PCDH15: variants seen among roughly 807,000 people sequenced by gnomAD.
PCDH15 encodes protocadherin-15.
In PCDH15, 129 loss-of-function variants were observed where a neutral mutation model predicts 178.5. That is an observed-to-expected ratio of 0.72 (90% CI 0.63 to 0.84). The LOEUF (loss-of-function observed/expected upper bound fraction) is 0.84, where lower values mean the gene tolerates loss of function less well. PCDH15 is among the 40% of genes least tolerant of loss of function. The pLI, the probability that PCDH15 is intolerant of heterozygous loss-of-function variation, is 0.00. For synonymous variants in PCDH15, 800 were observed against 732.0 expected (o/e 1.09, Z -1.50); for missense variants, 2,230 against 2,099.9 (o/e 1.06, Z -1.21).
At chr10:54,196,897 A>G (rs1310008278) in intron 10 of PCDH15, among the ~76,000 whole-genome samples, 2 of 152,304 alleles carry the variant, frequency 1.3e-5, no homozygotes, top group Admixed American at 6.5e-5. Flanking sequence ...CAAATTTACA[A>G]GAGTCGAATG....
chr10:55,150,740 A>C (rs2799589), intron 2 of PCDH15, among the ~76,000 whole-genome samples: 3 of 152,016 alleles, frequency 2.0e-5, no homozygotes, highest in African/African-American at 7.2e-5. Flanking sequence ...AAAATATCTT[A>C]AAAAATGTTA....
chr10:55,244,782 C>G (rs962863541), intron 1 of PCDH15, among the ~76,000 whole-genome samples: 8 of 151,000 alleles, frequency 5.3e-5, no homozygotes, highest in African/African-American at 1.9e-4. Flanking sequence ...TTTCCAGAAT[C>G]TAGTATGTGC....
intron 3 of PCDH15, among the ~76,000 whole-genome samples, chr10:54,866,125 A>G (rs537033862): frequency 6.6e-6 from 1 of 152,328 alleles, no homozygotes; most frequent in South Asian, 2.1e-4. Flanking sequence ...AGTCTACTTC[A>G]GCTATGCACT....
At chr10:55,578,117 T>A (rs2132116803) in intron 2 of PCDH15, among the ~76,000 whole-genome samples, 1 of 152,288 alleles carries the variant, frequency 6.6e-6, no homozygotes, top group East Asian at 1.9e-4. Flanking sequence ...TACTTCTGAA[T>A]GTTTTAAATT....
chr10:54,717,424 A>G (rs2095494310), intron 1 of PCDH15, among the ~76,000 whole-genome samples: 1 of 142,136 alleles, frequency 7.0e-6, no homozygotes, highest in Non-Finnish European at 1.5e-5. Flanking sequence ...GAAAAAAACA[A>G]ACAACCCCAT....
chr10:55,511,047 G>T (rs1311324835), intron 2 of PCDH15, among the ~76,000 whole-genome samples: 2 of 149,960 alleles, frequency 1.3e-5, no homozygotes, highest in Admixed American at 1.3e-4. Context: ...TTGTTTGTTT[G>T]TTTGTTTTTT....
intron 3 of PCDH15, among the ~76,000 whole-genome samples, chr10:54,427,347 C>T (rs561697089): frequency 1.6e-4 from 20 of 128,056 alleles, no homozygotes; most frequent in South Asian, 7.8e-4. Context: ...GGCATGATCT[C>T]GGCTCACTGC....
intron 2 of PCDH15, among the ~76,000 whole-genome samples, chr10:54,562,603 ATACT>A (rs1162241798): frequency 6.6e-6 from 1 of 152,158 alleles, no homozygotes; most frequent in Non-Finnish European, 1.5e-5. Flanking sequence ...GTTTCACAAC[ATACT>A]TATATATAAT....
intron 26 of PCDH15, among the ~76,000 whole-genome samples, chr10:53,874,164 A>G (rs766021978): frequency 3.3e-5 from 5 of 152,152 alleles, no homozygotes; most frequent in Non-Finnish European, 5.9e-5. Flanking sequence ...GTAAAATTAA[A>G]ATTTAACTTG....
chr10:55,277,925 G>A (rs867847078), intron 1 of PCDH15, among the ~76,000 whole-genome samples: 1 of 152,018 alleles, frequency 6.6e-6, no homozygotes, highest in African/African-American at 2.4e-5. Context: ...CAATGTCTCA[G>A]GTTTTGTTTA....
chr10:54,028,513 C>G lies in PCDH15; in HGVS notation c.2221-5316G>C, dbSNP rs1049055669. Among the ~76,000 whole-genome samples the G allele has an allele frequency of 3.9e-5, 6 of 152,008 alleles. No individual in the cohort carries two copies. The South Asian group carries it at 6.2e-4, about 16-fold the overall frequency. On this transcript the variant is annotated intron_variant, in intron 18 of 37. Coordinates refer to ENST00000644397, the MANE Select transcript of PCDH15 (RefSeq NM_001384140.1). ...CATATGTTTATTGTGGCATTATTCA[C>G]GATAGCAAAGTCTTGGAACCAACCC...
chr10:54,954,534 C>G (rs1838431433), intron 2 of PCDH15, among the ~76,000 whole-genome samples: 1 of 151,140 alleles, frequency 6.6e-6, no homozygotes, highest in Non-Finnish European at 1.5e-5. Context: ...TTGTCTTTCT[C>G]TATTTTCAAA....
chr10:53,824,691 C>CTGGGATTGATATTATATACTGGTTGTTT (rs2076555081), intron 32 of PCDH15, among the ~76,000 whole-genome samples: 2 of 152,032 alleles, frequency 1.3e-5, no homozygotes. Flanking sequence ...GCACGAACAA[C>CTGGGATTGATATTATATACTGGTTGTTT]TGGGATTGAT....
chr10:53,860,543 CAACATGGTGA>C (rs2079035967), intron 27 of PCDH15, among the ~76,000 whole-genome samples: 1 of 151,844 alleles, frequency 6.6e-6, no homozygotes, highest in Admixed American at 6.6e-5. Flanking sequence ...GCAGCCTGGC[CAACATGGTGA>C]AACCCTGTCT....
chr10:54,180,894 G>C (rs1408268318), intron 13 of PCDH15, among the ~76,000 whole-genome samples: 1 of 152,090 alleles, frequency 6.6e-6, no homozygotes, highest in Non-Finnish European at 1.5e-5. Context: ...TAAAAGTCTT[G>C]AAAGGCAAGG....
chr10:54,729,144 G>T (rs894263883), intron 1 of PCDH15, among the ~76,000 whole-genome samples: 1 of 151,644 alleles, frequency 6.6e-6, no homozygotes, highest in Non-Finnish European at 1.5e-5. Context: ...AAAGTTGAAA[G>T]CATCACACTA....
chr10:54,448,756 T>C (rs1018480044), intron 3 of PCDH15, among the ~76,000 whole-genome samples: 4 of 151,738 alleles, frequency 2.6e-5, no homozygotes, highest in African/African-American at 9.7e-5. Flanking sequence ...CATGTACTCT[T>C]AACTTCCTTC....
At chr10:54,778,051 TA>T (rs1249788807) in intron 1 of PCDH15, among the ~76,000 whole-genome samples, 2 of 152,218 alleles carry the variant, frequency 1.3e-5, no homozygotes, top group African/African-American at 4.8e-5. Flanking sequence ...GCCAAGACAT[TA>T]TGAAACAAGG....
chr10:55,520,956 A>G (rs1841161202), intron 2 of PCDH15, among the ~76,000 whole-genome samples: 1 of 151,894 alleles, frequency 6.6e-6, no homozygotes, highest in Non-Finnish European at 1.5e-5. Context: ...TGTTTGTGGT[A>G]AGAATGCTTA....
Sources: gnomAD v4.1 joint callset for allele counts (sites outside exome capture counted in the v4.1 genomes callset) on GRCh38, gnomAD v4.1.1 for gene constraint, MANE v1.5 for transcripts, NCBI Gene and HGNC (gene_info 2026-07-23, HGNC 2026-07-21) for gene names.